DLG2: variants seen among roughly 807,000 people sequenced by gnomAD.
DLG2 encodes discs large MAGUK scaffold protein 2.
Under a neutral mutation model 132.5 loss-of-function variants are expected in DLG2, and 45 were observed. The observed-to-expected ratio is 0.34, with a 90% CI of 0.27 to 0.44. DLG2 has a LOEUF of 0.44. DLG2 is among the 20% of genes least tolerant of loss of function. The pLI is 1.00. For missense variants in DLG2, 1,045 were observed against 1,196.9 expected (o/e 0.87, Z 1.87); for synonymous variants, 424 against 419.6 (o/e 1.01, Z -0.13).
intron 6 of DLG2, among the ~76,000 whole-genome samples, chr11:84,826,821 C>T (rs765123119): frequency 2.6e-5 from 4 of 151,848 alleles, no homozygotes; most frequent in Non-Finnish European, 5.9e-5. Flanking sequence ...ACACAATAAC[C>T]AGACTAACCT....
intron 6 of DLG2, among the ~76,000 whole-genome samples, chr11:84,675,241 A>G (rs970766849): frequency 6.6e-6 from 1 of 152,220 alleles, no homozygotes; most frequent in East Asian, 1.9e-4. Context: ...CACTGCTTTA[A>G]CAAAACTCAT....
chr11:84,781,057 A>ATATGTG (rs1555218890), intron 6 of DLG2, among the ~76,000 whole-genome samples: 1 of 142,934 alleles, frequency 7.0e-6, no homozygotes, highest in South Asian at 2.3e-4. Flanking sequence ...TCATAACTTA[A>ATATGTG]TGTGTGTGTG....
chr11:85,453,803 G>T, intron 3 of DLG2: 1 of 152,020 alleles, frequency 6.6e-6, no homozygotes, highest in East Asian at 1.9e-4. Context: ...TTTTATTTGG[G>T]TTTAGGGGTA....
chr11:83,774,592 C>T (rs2094516182), intron 18 of DLG2, among the ~76,000 whole-genome samples: 1 of 151,966 alleles, frequency 6.6e-6, no homozygotes, highest in Non-Finnish European at 1.5e-5. Flanking sequence ...ATTTCAGGCC[C>T]ATCAGCAGGA....
At chr11:84,757,009 A>T (rs1306671197) in intron 6 of DLG2, among the ~76,000 whole-genome samples, 4 of 152,188 alleles carry the variant, frequency 2.6e-5, no homozygotes, top group Admixed American at 6.5e-5. Flanking sequence ...TTAGTTTTTT[A>T]TCAACATCCT....
chr11:84,855,577 T>C (rs1463407906), intron 6 of DLG2, among the ~76,000 whole-genome samples: 1 of 152,032 alleles, frequency 6.6e-6, no homozygotes, highest in African/African-American at 2.4e-5. Flanking sequence ...TCTTCTCTCA[T>C]TATTAAAACA....
chr11:83,506,173 T>C (rs1240516004), intron 21 of DLG2, among the ~76,000 whole-genome samples: 4 of 152,218 alleles, frequency 2.6e-5, no homozygotes, highest in African/African-American at 9.6e-5. Flanking sequence ...TCCACTAAAC[T>C]TGGTCCTAGA....
chr11:84,067,519 T>C (rs890044239), intron 10 of DLG2, among the ~76,000 whole-genome samples: 1 of 150,568 alleles, frequency 6.6e-6, no homozygotes, highest in African/African-American at 2.5e-5. Context: ...GACAAGTAGT[T>C]TATGCTCACA....
intron 11 of DLG2, among the ~76,000 whole-genome samples, chr11:84,047,458 T>G (rs894802948): frequency 3.3e-5 from 5 of 151,596 alleles, no homozygotes; most frequent in African/African-American, 1.2e-4. Flanking sequence ...GGCCATAAAT[T>G]TAAAAAATTT....
chr11:84,569,193 G>T (rs1027088082), intron 6 of DLG2, among the ~76,000 whole-genome samples: 1 of 152,154 alleles, frequency 6.6e-6, no homozygotes, highest in Non-Finnish European at 1.5e-5. Flanking sequence ...ACTGTCTGGG[G>T]TAATCACCAG....
chr11:83,561,486 C>A, intron 19 of DLG2, among the ~76,000 whole-genome samples: 1 of 152,318 alleles, frequency 6.6e-6, no homozygotes, highest in Non-Finnish European at 1.5e-5. Flanking sequence ...TAAAGAGTCT[C>A]TGTAAGTTCT....
intron 3 of DLG2, among the ~76,000 whole-genome samples, chr11:85,357,087 G>GT (rs2083759452): frequency 6.6e-6 from 1 of 152,016 alleles, no homozygotes; most frequent in Non-Finnish European, 1.5e-5. Context: ...TCAATAAATT[G>GT]TAACTATTAG....
In DLG2 at chr11:85,323,299, T is replaced by C. The variant is rs529123913; in HGVS notation, c.41-37934A>G. Among the ~76,000 whole-genome samples, 7 of 152,344 alleles carry C rather than the reference T, an allele frequency of 4.6e-5. No individual in the cohort carries two copies. In the East Asian group the frequency reaches 1.4e-3, roughly 29 times the overall value. Reference sequence around the variant, plus strand: ...TCTTTCCTAACTAGGCAGAAAAAGTTAACACCATAAACTTCCCTTGCAAAG... The same window carrying C: ...TCTTTCCTAACTAGGCAGAAAAAGTCAACACCATAAACTTCCCTTGCAAAG... On this transcript the variant is annotated intron_variant, in intron 3 of 27. Transcript: ENST00000376104.
intron 7 of DLG2, among the ~76,000 whole-genome samples, chr11:84,328,225 C>G (rs1198580923): frequency 6.9e-6 from 1 of 144,734 alleles, no homozygotes; most frequent in African/African-American, 2.6e-5. Flanking sequence ...TGAGTCATAA[C>G]TGAAAAAAGC....
intron 3 of DLG2, among the ~76,000 whole-genome samples, chr11:85,362,787 A>C (rs1268380091): frequency 6.6e-6 from 1 of 152,202 alleles, no homozygotes; most frequent in Admixed American, 6.5e-5. Flanking sequence ...AATAAATGAA[A>C]AAACAAAAAT....
chr11:85,513,034 C>T (rs1253401355), intron 3 of DLG2, among the ~76,000 whole-genome samples: 3 of 152,008 alleles, frequency 2.0e-5, no homozygotes, highest in South Asian at 2.1e-4. Flanking sequence ...AAATCATGAC[C>T]TTTGCACCAA....
chr11:85,319,476 A>G (rs978026628), intron 3 of DLG2, among the ~76,000 whole-genome samples: 2 of 151,814 alleles, frequency 1.3e-5, no homozygotes, highest in African/African-American at 4.8e-5. Context: ...AACTCTTGCT[A>G]TATAAATGTT....
intron 3 of DLG2, among the ~76,000 whole-genome samples, chr11:85,372,013 C>T (rs1188926901): frequency 2.0e-5 from 3 of 152,174 alleles, no homozygotes; most frequent in Non-Finnish European, 2.9e-5. Flanking sequence ...AAAACTTATA[C>T]ATTTGTCATT....
chr11:85,544,622 G>A (rs761044256), intron 3 of DLG2, among the ~76,000 whole-genome samples: 1 of 152,200 alleles, frequency 6.6e-6, no homozygotes, highest in African/African-American at 2.4e-5. Flanking sequence ...TCCAATCCAT[G>A]AGCATGGAAT....
Sources: allele counts gnomAD v4.1 joint callset (sites outside exome capture counted in the v4.1 genomes callset), GRCh38; gene constraint gnomAD v4.1.1; transcripts MANE v1.5; gene names NCBI Gene and HGNC (gene_info 2026-07-23, HGNC 2026-07-21).